The following RANBP17 variants were observed in gnomAD, a reference collection of about 807,000 sequenced individuals.
RANBP17 encodes RAN binding protein 17, also known as ran-binding protein 17.
In RANBP17, 158 loss-of-function variants were observed where a neutral mutation model predicts 141.2. The observed-to-expected ratio is 1.12, with a 90% CI of 0.98 to 1.28. The LOEUF (loss-of-function observed/expected upper bound fraction) is 1.28. Ranked by LOEUF, RANBP17 falls within the 50% of genes most tolerant of loss-of-function variation. The pLI is 0.00. For missense variants in RANBP17, 1,438 were observed against 1,290.7 expected (o/e 1.11, Z -1.75); for synonymous variants, 430 against 450.0 (o/e 0.96, Z 0.56).
intron 12 of RANBP17, among the ~76,000 whole-genome samples, chr5:170,936,307 G>A (rs1306327392): frequency 6.6e-6 from 1 of 152,170 alleles, no homozygotes; most frequent in African/African-American, 2.4e-5. Context: ...GCCCTAGTGA[G>A]ATGAATCCGG....
chr5:170,974,049 C>T (rs1232915247), intron 14 of RANBP17, among the ~76,000 whole-genome samples: 1 of 152,184 alleles, frequency 6.6e-6, no homozygotes, highest in Non-Finnish European at 1.5e-5. Flanking sequence ...AGTGCATGTC[C>T]TTCTCATATG....
chr5:171,278,652 G>A (rs1767675515), intron 25 of RANBP17, among the ~76,000 whole-genome samples: 1 of 152,154 alleles, frequency 6.6e-6, no homozygotes, highest in Admixed American at 6.5e-5. Context: ...ACATGCCGAG[G>A]ATCTCAAATG....
At chr5:170,894,267 C>T (rs1207198566) in intron 4 of RANBP17, among the ~76,000 whole-genome samples, 1 of 151,944 alleles carries the variant, frequency 6.6e-6, no homozygotes, top group Non-Finnish European at 1.5e-5. Flanking sequence ...AGACAAGAGG[C>T]GACCATGCAG....
chr5:171,244,372 A>G (rs1561795494), intron 24 of RANBP17, among the ~76,000 whole-genome samples: 2 of 152,066 alleles, frequency 1.3e-5, no homozygotes, highest in South Asian at 2.1e-4. Context: ...ACGAAACTCC[A>G]TCTCAAAAAC....
intron 18 of RANBP17, among the ~76,000 whole-genome samples, chr5:171,193,183 T>C (rs1169624833): frequency 6.6e-6 from 1 of 152,216 alleles, no homozygotes; most frequent in Admixed American, 6.5e-5. Context: ...TCATTACACC[T>C]ACTTTCTTGC....
intron 14 of RANBP17, among the ~76,000 whole-genome samples, chr5:171,063,537 G>C (rs758025468): frequency 1.3e-5 from 2 of 152,194 alleles, no homozygotes; most frequent in Non-Finnish European, 2.9e-5. Context: ...TCTCAGAGGA[G>C]TACCCAGCCG....
At chr5:171,263,487 GATA>G (rs1220770097) in intron 24 of RANBP17, among the ~76,000 whole-genome samples, 2 of 152,190 alleles carry the variant, frequency 1.3e-5, no homozygotes, top group African/African-American at 2.4e-5. Flanking sequence ...AAGTAAATGA[GATA>G]ATAATTTTAG....
chr5:171,104,482 G>A (rs1754633175), intron 14 of RANBP17, among the ~76,000 whole-genome samples: 2 of 152,180 alleles, frequency 1.3e-5, no homozygotes, highest in Non-Finnish European at 2.9e-5. Flanking sequence ...CCAGAATGTT[G>A]CCTTTTTACT....
At chr5:171,031,189 A>G (rs1292423804) in intron 14 of RANBP17, among the ~76,000 whole-genome samples, 1 of 152,014 alleles carries the variant, frequency 6.6e-6, no homozygotes, top group Non-Finnish European at 1.5e-5. Context: ...GTAGATTTAG[A>G]TTATCTGTGA....
At chr5:171,252,034 A>G (rs1478298659) in intron 24 of RANBP17, 1 of 1,606,198 alleles carries the variant, frequency 6.2e-7, no homozygotes, top group African/African-American at 1.3e-5. Flanking sequence ...GAGTCAACCT[A>G]GGAAAAAGGA....
At position 170,939,560 on chromosome 5, in the gene RANBP17, T is replaced by C. The variant is rs534312296; in HGVS notation, c.1469-14037T>C. On this transcript the variant is annotated intron_variant, in intron 12 of 27. Coordinates refer to ENST00000523189, the MANE Select transcript of RANBP17 (RefSeq NM_022897.5). ...CCATGCCGGGCTAAATTTTTTGTAT[T>C]GTTTTAGTAGAGACGGAGTTTCGCC... Among the ~76,000 whole-genome samples, 133 of 151,996 alleles carry C rather than the reference T, an allele frequency of 8.8e-4. 1 individual carries two copies. Among genetic ancestry groups the C allele is most frequent in the Non-Finnish European group, 2.2e-4 (15 of 67,950 alleles).
At chr5:170,894,370 T>C (rs537424165) in intron 4 of RANBP17, among the ~76,000 whole-genome samples, 1 of 151,850 alleles carries the variant, frequency 6.6e-6, no homozygotes. Context: ...TAAGCTCAAC[T>C]TAAGTTGGGA....
chr5:170,884,282 C>T (rs924972703), intron 3 of RANBP17, among the ~76,000 whole-genome samples: 11 of 152,086 alleles, frequency 7.2e-5, no homozygotes, highest in Non-Finnish European at 1.5e-4. Flanking sequence ...TGACCCCCTG[C>T]GCAATCAAAA....
intron 25 of RANBP17, among the ~76,000 whole-genome samples, chr5:171,276,967 C>T (rs1427436177): frequency 7.1e-6 from 1 of 141,658 alleles, no homozygotes; most frequent in African/African-American, 2.6e-5. Context: ...AAATTTCTAA[C>T]CCATAGATTA....
intron 22 of RANBP17, among the ~76,000 whole-genome samples, chr5:171,229,348 G>T (rs1451975497): frequency 6.6e-6 from 1 of 152,158 alleles, no homozygotes; most frequent in Non-Finnish European, 1.5e-5. Context: ...GATTTCAGTG[G>T]ATTCCTTCAT....
chr5:170,937,502 A>G (rs1773977791), intron 12 of RANBP17, among the ~76,000 whole-genome samples: 1 of 152,144 alleles, frequency 6.6e-6, no homozygotes, highest in South Asian at 2.1e-4. Flanking sequence ...ATTTTTGGAC[A>G]TTGAGGATCA....
intron 13 of RANBP17, among the ~76,000 whole-genome samples, chr5:170,967,755 A>G (rs1472598733): frequency 1.3e-5 from 2 of 151,684 alleles, no homozygotes; most frequent in African/African-American, 4.8e-5. Flanking sequence ...GGCAGGATAT[A>G]ACTTTTGTTA....
At position 171,206,176 on chromosome 5, in the gene RANBP17, A is replaced by G. The variant is rs548299512; in HGVS notation, c.2231+564A>G. 1.4e-3 allele frequency: 238 copies of G among 173,422 alleles called. 1 individual carries two copies. The highest frequency in any genetic ancestry group is 2.5e-3 in the Non-Finnish European group (206 of 81,708). The allele number at this position is 173,422 out of a possible 1,614,324, so 10.7% of individuals were successfully genotyped here. ...AAAAAACCCCCCACAGAAATGCCTT[A>G]TCATGTAAGAGTTAAAAGAGCATAG... On this transcript the variant is annotated intron_variant, in intron 20 of 27. Transcript: ENST00000523189.
chr5:171,161,699 T>C (rs753797547), intron 14 of RANBP17, among the ~76,000 whole-genome samples: 1 of 152,258 alleles, frequency 6.6e-6, no homozygotes, highest in Non-Finnish European at 1.5e-5. Flanking sequence ...ATATTTAATG[T>C]GGTTGCATAG....
Sources: allele counts gnomAD v4.1 joint callset (sites outside exome capture counted in the v4.1 genomes callset), GRCh38; gene constraint gnomAD v4.1.1; transcripts MANE v1.5; gene names NCBI Gene and HGNC (gene_info 2026-07-23, HGNC 2026-07-21).